RANBP1: variants seen among roughly 807,000 people sequenced by gnomAD.
RANBP1 encodes RAN binding protein 1, also known as ran-specific GTPase-activating protein.
RANBP1 carries 16 observed loss-of-function variants against 31.4 expected under a neutral mutation model. The observed-to-expected ratio is 0.51, with a 90% CI of 0.34 to 0.77. RANBP1 has a LOEUF of 0.77. Among genes scored for constraint, RANBP1 ranks in the 30% least tolerant of loss-of-function variants. The probability of loss-of-function intolerance (pLI) is 0.01; values close to 1 mark genes in which losing one functional copy is unlikely to be tolerated. For synonymous variants in RANBP1, 129 were observed against 140.5 expected, an observed-to-expected ratio of 0.92 and a Z score of 0.58; for missense variants, 265 against 362.0, an observed-to-expected ratio of 0.73 and a Z score of 2.17.
rs2050268352 is a variant in RANBP1, at chr22:20,125,175, C to T, written c.542-133C>T. ...TGGTACTTTGTCTAAGCCTGGTTCT[C>T]CAACCCCAGACTGTCCCCGTGTTGT... On this transcript the variant is annotated intron_variant, in intron 3 of 5. Transcript: ENST00000430524. The T allele has an allele frequency of 4.0e-6, 4 of 1,005,758 alleles. No individual in the cohort carries two copies. The South Asian group carries it at 5.7e-5, about 14-fold the overall frequency. The allele number at this position is 1,005,758 out of a possible 1,614,324, so 62.3% of individuals were successfully genotyped here.
rs1220521419 is a variant in RANBP1, at chr22:20,123,886, G to A, written c.542-1422G>A. 4.6e-5 allele frequency among the ~76,000 whole-genome samples: 7 copies of A among 152,204 alleles called. No individual in the cohort carries two copies. The East Asian group carries it at 1.3e-3, about 29-fold the overall frequency. ...TAAGCTTCCTAGTGTCGTTTGCTGA[G>A]TGTCATGCGTGTCCGGCGGGGCAGG... On this transcript the variant is annotated intron_variant, in intron 3 of 5. Transcript: ENST00000430524.
rs1241942485 is a variant in RANBP1, at chr22:20,126,300, C to G, written c.671-3C>G. 6.2e-7 allele frequency: 1 copy of G among 1,612,672 alleles called. No individual in the cohort carries two copies. The highest frequency in any genetic ancestry group is 1.1e-5 in the South Asian group (1 of 91,038). On this transcript the variant is annotated splice_region_variant and splice_polypyrimidine_tract_variant and intron_variant, in intron 4 of 5. Transcript: ENST00000430524. ...TAGGAAGTCTTCGCTCTCCCTTCCA[C>G]AGATGCACAGAAATTCAAAACAAAG...
chr22:20,125,978 G>A (rs2050288062), intron 4 of RANBP1, among the ~76,000 whole-genome samples: 1 of 152,276 alleles, frequency 6.6e-6, no homozygotes, highest in Non-Finnish European at 1.5e-5. Context: ...CTGGTAGCTG[G>A]CCGTTTGGTG....
At chr22:20,118,331 C>G in intron 1 of RANBP1, 1 of 1,002,360 alleles carries the variant, frequency 1.0e-6, no homozygotes, top group Non-Finnish European at 1.2e-6. Context: ...TTCTGGAAGA[C>G]TCGAACCTAA....
intron 1 of RANBP1, chr22:20,117,038 G>T (rs2050048500): frequency 6.5e-6 from 8 of 1,231,056 alleles, no homozygotes; most frequent in Non-Finnish European, 6.8e-6. Flanking sequence ...CAGAGCCGGT[G>T]CAACGCCGCG....
At chr22:20,118,940 G>T in intron 1 of RANBP1, 73 bp from the exon 2 acceptor site, 1 of 1,515,618 alleles carries the variant, frequency 6.6e-7, no homozygotes, top group Non-Finnish European at 9.0e-7. Flanking sequence ...GCTGACCACT[G>T]CAGGCACTGG....
intron 3 of RANBP1, 56 bp downstream of exon 3, chr22:20,122,477 TG>T: frequency 6.2e-7 from 1 of 1,610,386 alleles, no homozygotes; most frequent in African/African-American, 1.3e-5. Context: ...CTGGGACCTT[TG>T]GGAAGATTCA....
intron 4 of RANBP1, 58 bp downstream of exon 4, chr22:20,125,494 G>A (rs889868499): frequency 6.4e-7 from 1 of 1,556,390 alleles, no homozygotes; most frequent in Middle Eastern, 1.7e-4. Context: ...TGGCAGCGTG[G>A]CGGGTTATGT....
At chr22:20,117,430 C>T (rs2050061059) in intron 1 of RANBP1, 23 of 1,197,220 alleles carry the variant, frequency 1.9e-5, no homozygotes, top group South Asian at 3.0e-5. Flanking sequence ...ATGAGAGTGT[C>T]CGCCTCCTGA....
chr22:20,118,061 C>T (rs758838617), intron 1 of RANBP1: 98 of 996,116 alleles, frequency 9.8e-5, no homozygotes, highest in East Asian at 1.1e-4. Context: ...GCACTTCATT[C>T]ATTCGGTTCT....
intron 3 of RANBP1, chr22:20,122,723 C>G (rs1172405772): frequency 1.1e-5 from 10 of 929,142 alleles, no homozygotes; most frequent in African/African-American, 4.8e-5. Flanking sequence ...CGAGGGGGTG[C>G]TGTGTGTGTG....
intron 1 of RANBP1, chr22:20,117,478 T>C: frequency 8.2e-7 from 1 of 1,217,078 alleles, no homozygotes; most frequent in Non-Finnish European, 1.0e-6. Context: ...CGCGGCGCGT[T>C]TCCCGCCGCT....
intron 1 of RANBP1, chr22:20,117,641 C>T: frequency 8.2e-7 from 1 of 1,223,138 alleles, no homozygotes; most frequent in South Asian, 2.7e-5. Flanking sequence ...CCGCCGCCGC[C>T]GCGCCCCCAT....
intron 4 of RANBP1, among the ~76,000 whole-genome samples, chr22:20,126,090 C>G (rs545148733): frequency 8.3e-4 from 127 of 152,364 alleles, no homozygotes; most frequent in Non-Finnish European, 7.9e-4. Flanking sequence ...CCCTTGGTTG[C>G]CTGAGGGTCC....
At chr22:20,120,325 C>G (rs898944778) in intron 2 of RANBP1, among the ~76,000 whole-genome samples, 2 of 151,976 alleles carry the variant, frequency 1.3e-5, no homozygotes, top group Non-Finnish European at 2.9e-5. Context: ...GATGCATTGC[C>G]GTAGCCCCTG....
Position 20,119,035 on chromosome 22 carries a change from C to T in RANBP1, c.269C>T (p.Thr90Ile). 1.9e-6 allele frequency: 3 copies of T among 1,613,100 alleles called. No individual in the cohort carries two copies. The highest frequency in any genetic ancestry group is 2.5e-6 in the Non-Finnish European group (3 of 1,179,850). ...CAGGACACTCATGAGGACCATGATACTTCCACTGAGAATACAGACGAGTCC... is the reference window on the plus strand; with the variant it reads ...CAGGACACTCATGAGGACCATGATATTTCCACTGAGAATACAGACGAGTCC... ...ISEDTHEDHD[T>I]STENTDESNH... The change falls in exon 2 of 6, where the codon ACT becomes ATT. Residue 90 changes from threonine (T) to isoleucine (I), a missense_variant. Transcript: ENST00000430524.
chr22:20,122,663 A>T lies in RANBP1; in HGVS notation c.541+242A>T, dbSNP rs1199264905. On this transcript the variant is annotated intron_variant, in intron 3 of 5. Coordinates refer to ENST00000430524, the MANE Select transcript of RANBP1 (RefSeq NM_001278639.2). ...AGTCAGCCAGACGGGCCCTGATGGG[A>T]GGACGCAGCGCCCAGGCTGGGCTCG... is the stretch of plus-strand genomic sequence containing the variant. 3 of 1,422,296 alleles carry T rather than the reference A, an allele frequency of 2.1e-6. No homozygotes were observed. The East Asian group carries it at 1.0e-4, about 48-fold the overall frequency. The allele number at this position is 1,422,296 out of a possible 1,614,324, so 88.1% of individuals were successfully genotyped here.
chr22:20,126,200 C>T lies in RANBP1; in HGVS notation c.671-103C>T, dbSNP rs186866217. 1,779 of 1,362,088 alleles carry T rather than the reference C, an allele frequency of 1.3e-3. 27 individuals are homozygous for T. The Admixed American group carries it at 0.028, about 21-fold the overall frequency. 84.4% of individuals were successfully genotyped at this position (1,362,088 alleles called of 1,614,324 possible). On this transcript the variant is annotated intron_variant, in intron 4 of 5. Coordinates refer to ENST00000430524, the MANE Select transcript of RANBP1 (RefSeq NM_001278639.2). ...CAGTCCTTTCTTAGGTCAGCAATTA[C>T]CATGAAATGGGTCTTCTGTGAATCC...
At chr22:20,122,462 T>G in intron 3 of RANBP1, 41 bp downstream of exon 3, 1 of 1,611,058 alleles carries the variant, frequency 6.2e-7, no homozygotes, top group Non-Finnish European at 8.5e-7. Context: ...CCCCAGCAGC[T>G]TGGCCTGGGA....
Sources: gnomAD v4.1 joint callset for allele counts (sites outside exome capture counted in the v4.1 genomes callset) on GRCh38, gnomAD v4.1.1 for gene constraint, MANE v1.5 for transcripts, NCBI Gene and HGNC (gene_info 2026-07-23, HGNC 2026-07-21) for gene names.